CACNB2: variants seen among roughly 807,000 people sequenced by gnomAD.
CACNB2 encodes the protein voltage-dependent L-type calcium channel subunit beta-2.
CACNB2 carries 42 observed loss-of-function variants against 73.3 expected under a neutral mutation model. That is an observed-to-expected ratio of 0.57 (90% confidence interval 0.45 to 0.74). The LOEUF is 0.74. Among genes scored for constraint, CACNB2 ranks in the 30% least tolerant of loss-of-function variants. CACNB2 has a pLI of 0.00. For synonymous variants in CACNB2, 348 were observed against 310.3 expected (o/e 1.12, Z -1.28); for missense variants, 940 against 853.0 (o/e 1.10, Z -1.27).
chr10:18,349,052 T>C (rs1014086951), intron 2 of CACNB2, among the ~76,000 whole-genome samples: 1 of 152,112 alleles, frequency 6.6e-6, no homozygotes, highest in African/African-American at 2.4e-5. Flanking sequence ...TCCCGGAAGT[T>C]GAGGCTGCAG....
chr10:18,425,585 T>C (rs2045557505), intron 3 of CACNB2, among the ~76,000 whole-genome samples: 1 of 152,106 alleles, frequency 6.6e-6, no homozygotes, highest in Non-Finnish European at 1.5e-5. Flanking sequence ...GGGGGGTTGC[T>C]TGAGCCCAGG....
At chr10:18,222,288 G>T (rs2035823678) in intron 2 of CACNB2, among the ~76,000 whole-genome samples, 1 of 152,140 alleles carries the variant, frequency 6.6e-6, no homozygotes, top group Non-Finnish European at 1.5e-5. Context: ...TTGCTAAGGG[G>T]ACAATGGGAA....
intron 2 of CACNB2, among the ~76,000 whole-genome samples, chr10:18,260,127 C>T (rs1012001503): frequency 9.2e-5 from 14 of 152,120 alleles, no homozygotes; most frequent in Non-Finnish European, 1.3e-4. Flanking sequence ...TGGCTGATAT[C>T]ATACCAATGA....
chr10:18,461,488 G>A (rs1005916118), intron 3 of CACNB2, among the ~76,000 whole-genome samples: 3 of 151,666 alleles, frequency 2.0e-5, no homozygotes, highest in African/African-American at 4.8e-5. Flanking sequence ...GAATGTGTGT[G>A]CTTTAAGCCA....
At chr10:18,346,267 G>A (rs564092778) in intron 2 of CACNB2, among the ~76,000 whole-genome samples, 1 of 152,080 alleles carries the variant, frequency 6.6e-6, no homozygotes, top group Non-Finnish European at 1.5e-5. Context: ...AGCCTCTTGA[G>A]TAGCTGGGAT....
intron 6 of CACNB2, among the ~76,000 whole-genome samples, chr10:18,511,156 T>C (rs1297866294): frequency 1.3e-5 from 2 of 152,198 alleles, no homozygotes; most frequent in Non-Finnish European, 2.9e-5. Flanking sequence ...TATGCATAGA[T>C]GGGGCAAAGA....
chr10:18,316,977 C>T (rs1201372624), intron 2 of CACNB2, among the ~76,000 whole-genome samples: 1 of 152,080 alleles, frequency 6.6e-6, no homozygotes, highest in Non-Finnish European at 1.5e-5. Flanking sequence ...AAAAGGTAAG[C>T]TCCTATTACA....
intron 2 of CACNB2, among the ~76,000 whole-genome samples, chr10:18,208,785 C>T (rs966440353): frequency 2.8e-5 from 4 of 142,560 alleles, no homozygotes; most frequent in African/African-American, 1.1e-4. Context: ...CTCTTAAGCA[C>T]ACTGTTTTAG....
chr10:18,470,374 A>G (rs1330019860), intron 3 of CACNB2, among the ~76,000 whole-genome samples: 2 of 149,106 alleles, frequency 1.3e-5, no homozygotes, highest in Admixed American at 1.4e-4. Context: ...TGCATATATT[A>G]TATATAGACT....
intron 2 of CACNB2, chr10:18,234,223 A>G (rs183193671): frequency 6.4e-4 from 98 of 152,394 alleles, no homozygotes; most frequent in African/African-American, 2.3e-3. Context: ...TTTGTGCTGA[A>G]TGGAGGTGTC....
intron 2 of CACNB2, among the ~76,000 whole-genome samples, chr10:18,176,732 A>G (rs565880150): frequency 1.6e-3 from 245 of 151,606 alleles, no homozygotes; most frequent in African/African-American, 5.6e-3. Flanking sequence ...ACCAGCTTCC[A>G]TGTGAGGACC....
chr10:18,268,256 T>C (rs1306052512), intron 2 of CACNB2, among the ~76,000 whole-genome samples: 1 of 152,256 alleles, frequency 6.6e-6, no homozygotes, highest in Non-Finnish European at 1.5e-5. Flanking sequence ...CCCAAGGCTA[T>C]TCTGAAAGTT....
At chr10:18,253,752 A>G (rs1476643348) in intron 2 of CACNB2, among the ~76,000 whole-genome samples, 1 of 152,032 alleles carries the variant, frequency 6.6e-6, no homozygotes, top group Non-Finnish European at 1.5e-5. Context: ...ACTTTTCTCT[A>G]CTCAGTGCTT....
intron 2 of CACNB2, among the ~76,000 whole-genome samples, chr10:18,227,302 C>A (rs2036030560): frequency 6.6e-6 from 1 of 151,478 alleles, no homozygotes; most frequent in Non-Finnish European, 1.5e-5. Flanking sequence ...AGATTTGGGG[C>A]CCCTGGTTGC....
chr10:18,188,604 C>A (rs1435866051), intron 2 of CACNB2, among the ~76,000 whole-genome samples: 1 of 152,032 alleles, frequency 6.6e-6, no homozygotes, highest in African/African-American at 2.4e-5. Flanking sequence ...TGTGCCCGGC[C>A]TTCTTTGTGT....
intron 2 of CACNB2, among the ~76,000 whole-genome samples, chr10:18,341,577 G>A (rs2041234357): frequency 1.3e-5 from 2 of 151,900 alleles, no homozygotes; most frequent in African/African-American, 2.4e-5. Flanking sequence ...TGCCTTTTTA[G>A]GAAAGGATGA....
chr10:18,537,701 T>A (rs909767416), intron 12 of CACNB2, among the ~76,000 whole-genome samples: 2 of 146,836 alleles, frequency 1.4e-5, no homozygotes, highest in Admixed American at 1.3e-4. Flanking sequence ...CACTTGAACC[T>A]GGGAGGCCAA....
At chr10:18,499,813 A>C (rs1420135537) in intron 4 of CACNB2, among the ~76,000 whole-genome samples, 1 of 150,872 alleles carries the variant, frequency 6.6e-6, no homozygotes, top group Non-Finnish European at 1.5e-5. Context: ...TCTAAAAAAA[A>C]AAAAAAAAAA....
chr10:18,332,001 G>A (rs1274110448), intron 2 of CACNB2, among the ~76,000 whole-genome samples: 5 of 152,160 alleles, frequency 3.3e-5, no homozygotes, highest in East Asian at 3.8e-4. Flanking sequence ...GGCTCAGTCC[G>A]AGGACAGCAG....
Sources: gnomAD v4.1 joint callset for allele counts (sites outside exome capture counted in the v4.1 genomes callset) on GRCh38, gnomAD v4.1.1 for gene constraint, MANE v1.5 for transcripts, NCBI Gene and HGNC (gene_info 2026-07-23, HGNC 2026-07-21) for gene names.